The following ITPR3 variants were observed in gnomAD, a reference collection of about 807,000 sequenced individuals.
ITPR3 encodes inositol 1,4,5-trisphosphate-gated calcium channel ITPR3.
A neutral mutation model predicts 293.2 loss-of-function variants in ITPR3; 173 were observed. The ratio of observed to expected loss-of-function variants is 0.59; its 90% CI spans 0.52 to 0.67. ITPR3 has a LOEUF of 0.67. Among genes scored for constraint, ITPR3 ranks in the 30% least tolerant of loss-of-function variants. The probability of loss-of-function intolerance (pLI) is 0.00; values close to 1 mark genes in which losing one functional copy is unlikely to be tolerated. For missense variants in ITPR3, 2,796 were observed against 3,592.1 expected (o/e 0.78, Z 5.66); for synonymous variants, 1,295 against 1,444.4 (o/e 0.90, Z 2.35).
chr6:33,689,321 A>C lies in ITPR3; in HGVS notation c.6778A>C (p.Ser2260Arg), dbSNP rs978832342. The change falls in exon 50 of 58, where the codon AGC (serine) becomes CGC (arginine). Residue 2260 changes from serine to arginine, a missense_variant. Ser to Arg is a moderately radical substitution (Grantham distance 110). Coordinates refer to ENST00000605930, the MANE Select transcript of ITPR3 (RefSeq NM_002224.4). ...CGCGGCCCTGTTCACCAAGCGCTACAGCATCCGCCCCCTCATCGTGGCGCT... is the reference window on the plus strand; with the variant it reads ...CGCGGCCCTGTTCACCAAGCGCTACCGCATCCGCCCCCTCATCGTGGCGCT... ...SIAALFTKRY[S>R]IRPLIVALIL... 10 of 1,612,772 alleles carry C rather than the reference A, an allele frequency of 6.2e-6. No homozygotes were observed. Among genetic ancestry groups the C allele is most frequent in the Admixed American group, 1.7e-5 (1 of 60,012 alleles).
chr6:33,632,202 C>T lies in ITPR3; in HGVS notation c.90-8282C>T, dbSNP rs13192436. ...GCGGGTCAGTTTCTCCTCCATGCCC[C>T]AGGGACAGTTTTCTCATCCACAGCT... On this transcript the variant is annotated intron_variant, in intron 1 of 57. Coordinates refer to ENST00000605930, the MANE Select transcript of ITPR3 (RefSeq NM_002224.4). This position sits in a 1 kb window ranked among gnomAD's most constrained non-coding sequence, Gnocchi z 4.1. Among the ~76,000 whole-genome samples, 31,362 of 147,452 alleles carry T rather than the reference C, an allele frequency of 0.21. 4,087 individuals are homozygous for T. The highest frequency in any genetic ancestry group is 0.31 in the Middle Eastern group (88 of 280).
At chr6:33,678,346 C>A in intron 28 of ITPR3, 75 bp from the exon 29 acceptor site, 1 of 1,580,046 alleles carries the variant, frequency 6.3e-7, no homozygotes, top group South Asian at 1.1e-5. Flanking sequence ...CACCCCTGCT[C>A]CTGTCAGAGC....
chr6:33,679,560 G>A lies in ITPR3; in HGVS notation c.3973-322G>A, dbSNP rs539287734. On this transcript the variant is annotated intron_variant, in intron 30 of 57. Transcript: ENST00000605930. This position sits in a 1 kb window ranked among gnomAD's most constrained non-coding sequence, Gnocchi z 4.2. ...TGAGGAGGGTTTAAGTAACTGCTGCGGGAGCACAGGGGAGGGAGGGGGTGA... is the reference window on the plus strand; with the variant it reads ...TGAGGAGGGTTTAAGTAACTGCTGCAGGAGCACAGGGGAGGGAGGGGGTGA... Among the ~76,000 whole-genome samples the A allele has an allele frequency of 1.2e-4, 19 of 152,318 alleles. No individual in the cohort carries two copies. Among genetic ancestry groups the A allele is most frequent in the Non-Finnish European group, 2.5e-4 (17 of 68,014 alleles).
rs745409171 is a variant in ITPR3 at position 33,658,996 on chromosome 6, T to G, written c.529-25T>G. The G allele has an allele frequency of 6.2e-7, 1 of 1,613,302 alleles. No homozygotes were observed. The highest frequency in any genetic ancestry group is 1.7e-4 in the Middle Eastern group (1 of 6,050). ...ACAAGAGGGCCCTGCCCTTCCCACC[T>G]AACCTGTCCCACCTGTCTGCTCAGG... is the stretch of plus-strand genomic sequence containing the variant. On this transcript the variant is annotated intron_variant, in intron 5 of 57. Transcript: ENST00000605930. This position sits in a 1 kb window ranked among gnomAD's most constrained non-coding sequence, Gnocchi z 6.1.
Position 33,692,030 on chromosome 6 carries a change from GT to G in ITPR3, c.7458+104del. On this transcript the variant is annotated intron_variant, in intron 54 of 57. Coordinates refer to ENST00000605930, the MANE Select transcript of ITPR3 (RefSeq NM_002224.4). This position sits in a 1 kb window ranked among gnomAD's most constrained non-coding sequence, Gnocchi z 4.2. The stretch of plus-strand genomic sequence containing the variant: ...CTTGGCCTCGCGTCAGATATTCAGG[GT>G]TGAACCCCCTCCCCCGAACTTGTAT... 1 of 1,484,542 alleles carries G rather than the reference GT, an allele frequency of 6.7e-7. No individual in the cohort carries two copies. The highest frequency in any genetic ancestry group is 9.3e-7 in the Non-Finnish European group (1 of 1,077,282). 92.0% of individuals were successfully genotyped at this position (1,484,542 alleles called of 1,614,324 possible). A position where few individuals can be genotyped will look rare whatever the true frequency, so the allele number is the denominator to read the frequency against.
At chr6:33,640,116 C>G (rs1323712916) in intron 1 of ITPR3, among the ~76,000 whole-genome samples, 1 of 152,150 alleles carries the variant, frequency 6.6e-6, no homozygotes, top group East Asian at 1.9e-4. Flanking sequence ...CTCTCCTGCC[C>G]CCTTCACCCA....
rs999579290 is a variant in ITPR3 at position 33,687,409 on chromosome 6, A to G, written c.6178-69A>G. 3.7e-5 allele frequency: 54 copies of G among 1,471,856 alleles called. No individual in the cohort carries two copies. Among genetic ancestry groups the G allele is most frequent in the Non-Finnish European group, 4.9e-5 (53 of 1,070,962 alleles). 91.2% of individuals were successfully genotyped at this position (1,471,856 alleles called of 1,614,324 possible). On this transcript the variant is annotated intron_variant, in intron 45 of 57. Transcript: ENST00000605930. The surrounding 1 kb of genome is among the most constrained non-coding windows in gnomAD (Gnocchi z 5.3). ...CAGCTGCCATCATCCCCCAGTCGCC[A>G]TTGTCGCCCCCCAGCCACCATGTCC...
chr6:33,652,391 C>T (rs906318446), intron 2 of ITPR3, among the ~76,000 whole-genome samples: 4 of 152,166 alleles, frequency 2.6e-5, no homozygotes, highest in African/African-American at 4.8e-5. Flanking sequence ...CTGCCCACCC[C>T]GAGTCTGGTG....
chr6:33,670,433 C>T lies in ITPR3; in HGVS notation c.2298C>T (p.Asp766=), dbSNP rs759211142. 14 of 1,614,006 alleles carry T rather than the reference C, an allele frequency of 8.7e-6. No homozygotes were observed. Among genetic ancestry groups the T allele is most frequent in the Admixed American group, 5.0e-5 (3 of 60,008 alleles). The part of the protein sequence containing the change: ...GVDLIFLCMA[D]EMLPFDLRAS... ...ACCTGATTTTCCTGTGCATGGCAGA[C>T]GAGATGCTGCCCTTTGACCTGCGCG... Residue 766 remains aspartate (D), a synonymous_variant, in exon 19 of 58, where the codon GAC becomes GAT. Coordinates refer to ENST00000605930, the MANE Select transcript of ITPR3 (RefSeq NM_002224.4). This position sits in a 1 kb window ranked among gnomAD's most constrained non-coding sequence, Gnocchi z 6.7.
At chr6:33,662,390 C>T in intron 7 of ITPR3, 138 bp from the exon 8 acceptor site, 1 of 1,007,192 alleles carries the variant, frequency 9.9e-7, no homozygotes, top group Non-Finnish European at 1.4e-6. Flanking sequence ...GCTTGCATCC[C>T]CCTCTCTGTG....
rs756004240 is a variant in ITPR3, at chr6:33,686,965, G to T, written c.5980-44G>T. The T allele has an allele frequency of 3.4e-6, 5 of 1,465,890 alleles. No individual in the cohort carries two copies. The South Asian group carries it at 5.7e-5, about 17-fold the overall frequency. 90.8% of individuals were successfully genotyped at this position (1,465,890 alleles called of 1,614,324 possible). A position where few individuals can be genotyped will look rare whatever the true frequency, so the allele number is the denominator to read the frequency against. ...TGAGGGAGAAGTTGTCAGGGGCATG[G>T]TGTCCTGAGACTGTGGCCTGCCTCC... is the stretch of plus-strand genomic sequence containing the variant. On this transcript the variant is annotated intron_variant, in intron 43 of 57. Coordinates refer to ENST00000605930, the MANE Select transcript of ITPR3 (RefSeq NM_002224.4).
Position 33,678,839 on chromosome 6 carries a change from G to A in ITPR3, c.3972G>A (p.Glu1324=). 6.2e-7 allele frequency: 1 copy of A among 1,611,942 alleles called. No individual in the cohort carries two copies. Residue 1324 remains glutamate (E), a splice_region_variant and synonymous_variant, in exon 30 of 58, where the codon GAG becomes GAA. Coordinates refer to ENST00000605930, the MANE Select transcript of ITPR3 (RefSeq NM_002224.4). The part of the protein sequence containing the change: ...VKKCQDMIMT[E]LTNAGDDVVV... The stretch of plus-strand genomic sequence containing the variant: ...AGTGCCAGGACATGATCATGACTGA[G>A]GTGAGGGCGGGGCTGAGGGGTGCTC...
chr6:33,686,932 G>T lies in ITPR3; in HGVS notation c.5980-77G>T, dbSNP rs375777620. The T allele has an allele frequency of 1.2e-4, 135 of 1,134,870 alleles. 2 individuals carry two copies. The South Asian group carries it at 1.3e-3, about 11-fold the overall frequency. 70.3% of individuals were successfully genotyped at this position (1,134,870 alleles called of 1,614,324 possible). A position where few individuals can be genotyped will look rare whatever the true frequency, so the allele number is the denominator to read the frequency against. On this transcript the variant is annotated intron_variant, in intron 43 of 57. Transcript: ENST00000605930. ...TTTGTTGGATGGGAGAGCTGTTATG[G>T]AGAGGAATGAGGGAGAAGTTGTCAG...
intron 2 of ITPR3, among the ~76,000 whole-genome samples, chr6:33,641,680 C>G (rs147827417): frequency 1.3e-4 from 20 of 152,242 alleles, no homozygotes; most frequent in Admixed American, 2.6e-4. Context: ...TCCCCCTTGC[C>G]CCCTCCCACT....
In ITPR3 at chr6:33,684,231, C is replaced by G. The variant is rs913145028; in HGVS notation, c.4937+63C>G. 1.3e-6 allele frequency: 2 copies of G among 1,599,210 alleles called. No individual in the cohort carries two copies. Among genetic ancestry groups the G allele is most frequent in the East Asian group, 4.5e-5 (2 of 44,726 alleles). ...CAGCGGCAGGGGACAGAGAAGGGCC[C>G]GGTGGGGACTAGACAGGCTCACTGG... is the stretch of plus-strand genomic sequence containing the variant. On this transcript the variant is annotated intron_variant, in intron 36 of 57. Coordinates refer to ENST00000605930, the MANE Select transcript of ITPR3 (RefSeq NM_002224.4). The surrounding 1 kb of genome is among the most constrained non-coding windows in gnomAD (Gnocchi z 4.2).
In ITPR3 at chr6:33,677,070, A is replaced by G; in HGVS notation, c.3503A>G (p.Asn1168Ser). 1 of 1,614,146 alleles carries G rather than the reference A, an allele frequency of 6.2e-7. No homozygotes were observed. The highest frequency in any genetic ancestry group is 1.1e-5 in the South Asian group (1 of 91,082). The change falls in exon 27 of 58, where the codon AAC (asparagine) becomes AGC (serine). Residue 1168 changes from asparagine (N) to serine (S), a missense_variant. Around this residue, in one of 8 missense-constraint regions of ITPR3, gnomAD observed 344 missense variants for 460.3 expected, o/e 0.75. Coordinates refer to ENST00000605930, the MANE Select transcript of ITPR3 (RefSeq NM_002224.4). ...LHPPGEKSSE[N>S]YQIVKGILER... ...CCACCAGGGGAGAAAAGCAGTGAGA[A>G]CTACCAGATCGTCAAGGGCGTGAGT...
rs1764289333 is a variant in ITPR3, at chr6:33,655,714, C to T, written c.161-52C>T. 7 of 1,610,728 alleles carry T rather than the reference C, an allele frequency of 4.3e-6. No individual in the cohort carries two copies. The highest frequency in any genetic ancestry group is 5.1e-6 in the Non-Finnish European group (6 of 1,177,952). Reference sequence around the variant, plus strand: ...AGGCTGGGGTTTTCTCCAGGGAGGGCCCTGAGCCCCAGATGAATCATTCCC... The same window carrying T: ...AGGCTGGGGTTTTCTCCAGGGAGGGTCCTGAGCCCCAGATGAATCATTCCC... On this transcript the variant is annotated intron_variant, in intron 2 of 57. Transcript: ENST00000605930. This position sits in a 1 kb window ranked among gnomAD's most constrained non-coding sequence, Gnocchi z 4.9.
At position 33,633,527 on chromosome 6, in the gene ITPR3, GC is replaced by G; in HGVS notation, c.90-6955del. Among the ~76,000 whole-genome samples, 1 of 152,044 alleles carries G rather than the reference GC, an allele frequency of 6.6e-6. No individual in the cohort carries two copies. The highest frequency in any genetic ancestry group is 1.5e-5 in the Non-Finnish European group (1 of 67,970). On this transcript the variant is annotated intron_variant, in intron 1 of 57. Transcript: ENST00000605930. This position sits in a 1 kb window ranked among gnomAD's most constrained non-coding sequence, Gnocchi z 5.2. ...ATCAGGTGGGGAGGGGTACCCCGGGGCCGCCCTCCGCGGGCAGACGAGCGGG... is the reference window on the plus strand; with the variant it reads ...ATCAGGTGGGGAGGGGTACCCCGGGGCGCCCTCCGCGGGCAGACGAGCGGG...
In ITPR3 at chr6:33,684,169, G is replaced by A; in HGVS notation, c.4937+1G>A. On this transcript the variant is annotated splice_donor_variant, in intron 36 of 57. Transcript: ENST00000605930. LOFTEE classifies it high-confidence loss of function. This position sits in a 1 kb window ranked among gnomAD's most constrained non-coding sequence, Gnocchi z 4.2. The stretch of plus-strand genomic sequence containing the variant: ...GCGAGAGTGGGGGCTTCCTGTCCAA[G>A]TGAGCGAGACACTGGGGCATGGGGG... 6.2e-7 allele frequency: 1 copy of A among 1,610,248 alleles called. No individual in the cohort carries two copies. Among genetic ancestry groups the A allele is most frequent in the Non-Finnish European group, 8.5e-7 (1 of 1,179,708 alleles).
Sources: gnomAD v4.1 joint callset for allele counts (sites outside exome capture counted in the v4.1 genomes callset) on GRCh38, gnomAD v4.1.1 for gene constraint, gnomAD v4.1.1 regional missense constraint, Gnocchi (gnomAD v3.1) non-coding constraint, MANE v1.5 for transcripts, NCBI Gene and HGNC (gene_info 2026-07-23, HGNC 2026-07-21) for gene names.